Variants in SLC2A7 observed in about 807,000 individuals in gnomAD.
SLC2A7 encodes solute carrier family 2 member 7, also known as solute carrier family 2, facilitated glucose transporter member 7.
A neutral mutation model predicts 50.5 loss-of-function variants in SLC2A7; 50 were observed. That is an observed-to-expected ratio of 0.99 (90% CI 0.79 to 1.25). The LOEUF is 1.25. Ranked by LOEUF, SLC2A7 falls within the 50% of genes most tolerant of loss-of-function variation. SLC2A7 has a pLI of 0.00. For missense variants in SLC2A7, 683 were observed against 679.1 expected, an observed-to-expected ratio of 1.01 and a Z score of -0.06; for synonymous variants, 308 against 300.4, an observed-to-expected ratio of 1.03 and a Z score of -0.26.
chr1:9,002,959 G>C (rs1473411736), downstream of SLC2A7, among the ~76,000 whole-genome samples: 2 of 152,164 alleles, frequency 1.3e-5, no homozygotes, highest in African/African-American at 2.4e-5. Context: ...CGGCAGCTCG[G>C]GTATCCATAG....
rs1640692260 is a variant in SLC2A7 at position 9,008,504 on chromosome 1, G to C, written c.1117-1119C>G. 6.6e-6 allele frequency among the ~76,000 whole-genome samples: 1 copy of C among 152,190 alleles called. No homozygotes were observed. The highest frequency in any genetic ancestry group is 2.1e-4 in the South Asian group (1 of 4,836). ...CCACCGGGGATGCCCCTAGGTTTCAGAAGTGTCACTGGCGGTGGTCTCTGC... is the reference window on the plus strand; with the variant it reads ...CCACCGGGGATGCCCCTAGGTTTCACAAGTGTCACTGGCGGTGGTCTCTGC... On this transcript the variant is annotated intron_variant, in intron 9 of 11. Coordinates refer to ENST00000400906, the MANE Select transcript of SLC2A7 (RefSeq NM_207420.3). The surrounding 1 kb of genome is among the most constrained non-coding windows in gnomAD (Gnocchi z 5.9).
Position 9,013,616 on chromosome 1 carries a change from G to C in SLC2A7, c.923C>G (p.Thr308Ser), listed in dbSNP as rs182742981. 5.6e-6 allele frequency: 9 copies of C among 1,613,302 alleles called. No homozygotes were observed. Among genetic ancestry groups the C allele is most frequent in the Non-Finnish European group, 7.6e-6 (9 of 1,179,738 alleles). ...CTCCACGCCCGCAGATGTGTAGATG[G>C]TGTCCGCATAGTAGTTGATCTAAAC... Reference protein sequence around the residue: ...GINAINYYADTIYTSAGVEAA... With the variant: ...GINAINYYADSIYTSAGVEAA... The change falls in exon 8 of 12, where the codon ACC becomes AGC. Residue 308 changes from threonine to serine, a missense_variant. By Grantham distance (58) the Thr-to-Ser change is moderately conservative (BLOSUM62 1). Transcript: ENST00000400906.
At position 9,010,217 on chromosome 1, in the gene SLC2A7, G is replaced by A. The variant is rs370854911; in HGVS notation, c.1042C>T (p.Arg348Trp). 73 of 1,550,818 alleles carry A rather than the reference G, an allele frequency of 4.7e-5. No homozygotes were observed. The highest frequency in any genetic ancestry group is 5.8e-5 in the Non-Finnish European group (66 of 1,146,926). Residue 348 changes from arginine to tryptophan, a missense_variant, in exon 9 of 12, where the codon CGG (arginine) becomes TGG (tryptophan). By Grantham distance (101) the Arg-to-Trp change is moderately radical. Transcript: ENST00000400906. ...SAVLVERLGR[R>W]HLLLAGYGIC... is the part of the protein sequence containing the mutation. ...CCGTAGCCGGCCAGCAGGAGGTGCC[G>A]CCGTCCCAGCCGCTCCACAAGGACA... is the stretch of plus-strand genomic sequence containing the variant.
Position 9,004,748 on chromosome 1 carries a change from T to C in SLC2A7, c.1320+4A>G, listed in dbSNP as rs1640627645. On this transcript the variant is annotated splice_donor_region_variant and intron_variant, in intron 11 of 11. Coordinates refer to ENST00000400906, the MANE Select transcript of SLC2A7 (RefSeq NM_207420.3). ...AGCGGGTTGGGGAAGGGGCCCTCAC[T>C]CACCTGGATGGATGGGAACAGGAAG... 1 of 1,613,676 alleles carries C rather than the reference T, an allele frequency of 6.2e-7. No individual in the cohort carries two copies. The highest frequency in any genetic ancestry group is 8.5e-7 in the Non-Finnish European group (1 of 1,179,810).
chr1:8,993,149 G>A, the SLC2A7 span, among the ~76,000 whole-genome samples: 12 of 152,226 alleles, frequency 7.9e-5, no homozygotes, highest in East Asian at 1.9e-4. Flanking sequence ...CGTCTTACAC[G>A]GATGTCAGCA....
rs750014880 is a variant in SLC2A7, at chr1:9,004,809, G to A, written c.1263C>T (p.Asp421=). 2.5e-5 allele frequency: 41 copies of A among 1,613,992 alleles called. No homozygotes were observed. Among genetic ancestry groups the A allele is most frequent in the South Asian group, 4.4e-5 (4 of 91,076 alleles). Residue 421 remains aspartate, a synonymous_variant, in exon 11 of 12, where the codon GAC becomes GAT. Transcript: ENST00000400906. ...QSSRRAAFMV[D]GAVHWLTNFI... is the part of the protein sequence containing the mutation. The stretch of plus-strand genomic sequence containing the variant: ...AGTTGGTGAGCCAGTGCACTGCCCC[G>A]TCCACCATGAAAGCTGCCCGCCGGG...
intron 5 of SLC2A7, among the ~76,000 whole-genome samples, chr1:9,016,719 A>AAGAGAAAAAG (rs1057272112): frequency 2.6e-5 from 4 of 151,916 alleles, no homozygotes; most frequent in African/African-American, 7.2e-5. Context: ...AAAGAAGGGA[A>AAGAGAAAAAG]AGAGAAAAAG....
At chr1:9,015,281 C>G in intron 5 of SLC2A7, 39 bp from the exon 6 acceptor site, 1 of 1,533,694 alleles carries the variant, frequency 6.5e-7, no homozygotes, top group Non-Finnish European at 8.7e-7. Flanking sequence ...GGGGCCTGGG[C>G]ACCCCCTGGC....
Position 9,014,869 on chromosome 1 carries a change from C to G in SLC2A7, c.716-1G>C. 6.3e-7 allele frequency: 1 copy of G among 1,593,482 alleles called. No individual in the cohort carries two copies. The stretch of plus-strand genomic sequence containing the variant: ...GTGTGGCCTCTCAGCCTCCTCAGAG[C>G]TGCGGAAAGCAGAACCACCCGCTCA... On this transcript the variant is annotated splice_acceptor_variant, in intron 6 of 11. Coordinates refer to ENST00000400906, the MANE Select transcript of SLC2A7 (RefSeq NM_207420.3). LOFTEE classifies it high-confidence loss of function.
At chr1:9,007,468 C>T (rs1014636590) in intron 9 of SLC2A7, 83 bp from the exon 10 acceptor site, 7 of 1,310,112 alleles carry the variant, frequency 5.3e-6, no homozygotes, top group Middle Eastern at 2.3e-4. Flanking sequence ...CACCTTCCTG[C>T]CCCAGGGAGG....
the SLC2A7 span, among the ~76,000 whole-genome samples, chr1:8,993,349 T>G: frequency 5.4e-4 from 83 of 152,330 alleles, no homozygotes; most frequent in African/African-American, 1.9e-3. Context: ...CCTAAACATA[T>G]CAGGGGAGAA....
chr1:8,995,214 C>T, the SLC2A7 span, among the ~76,000 whole-genome samples: 225 of 151,452 alleles, frequency 1.5e-3, 2 homozygotes, highest in Middle Eastern at 0.01. Context: ...TTTGGGAGGC[C>T]GTCGCGGGTG....
At chr1:9,021,932 TGAGAA>T (rs1640918096) in intron 3 of SLC2A7, among the ~76,000 whole-genome samples, 1 of 151,936 alleles carries the variant, frequency 6.6e-6, no homozygotes, top group Non-Finnish European at 1.5e-5. Context: ...TTGGTCTGGC[TGAGAA>T]CATCACAGTC....
At chr1:9,020,760 G>A (rs1313172757) in intron 3 of SLC2A7, among the ~76,000 whole-genome samples, 3 of 150,114 alleles carry the variant, frequency 2.0e-5, no homozygotes, top group Non-Finnish European at 3.0e-5. Context: ...AAACCTCCGT[G>A]ATATGGTTTG....
rs576074097 is a variant in SLC2A7 at position 9,015,604 on chromosome 1, G to T, written c.590-362C>A. ...AGGGCAGGGCCTGGACCCTGCGCTG[G>T]GTCTGAGTGAGCTCCTTCTGGATGG... On this transcript the variant is annotated intron_variant, in intron 5 of 11. Coordinates refer to ENST00000400906, the MANE Select transcript of SLC2A7 (RefSeq NM_207420.3). 5.3e-5 allele frequency among the ~76,000 whole-genome samples: 8 copies of T among 152,274 alleles called. No individual in the cohort carries two copies. The East Asian group carries it at 7.7e-4, about 15-fold the overall frequency.
the SLC2A7 span, among the ~76,000 whole-genome samples, chr1:8,993,472 C>G: frequency 3.7e-4 from 56 of 152,300 alleles, no homozygotes; most frequent in Middle Eastern, 0.024. Context: ...AAACCCTAAA[C>G]TAAAACCTCA....
At chr1:9,003,941 T>C (rs1000027449) in intron 11 of SLC2A7, among the ~76,000 whole-genome samples, 1 of 149,876 alleles carries the variant, frequency 6.7e-6, no homozygotes, top group African/African-American at 2.5e-5. Context: ...CATAAAGGAG[T>C]TGCTTGGCAG....
At position 9,014,779 on chromosome 1, in the gene SLC2A7, G is replaced by T. The variant is rs752491553; in HGVS notation, c.805C>A (p.Leu269Met). Reference protein sequence around the residue: ...EARAERAEGHLSVLHLCALRS... With the variant: ...EARAERAEGHMSVLHLCALRS... The stretch of plus-strand genomic sequence containing the variant: ...AGGGCACAGAGGTGCAGCACAGACA[G>T]GTGGCCCTCGGCGCGCTCGGCCCGG... The change falls in exon 7 of 12, where the codon CTG becomes ATG. Residue 269 changes from leucine to methionine, a missense_variant. Coordinates refer to ENST00000400906, the MANE Select transcript of SLC2A7 (RefSeq NM_207420.3). 1.3e-6 allele frequency: 2 copies of T among 1,599,160 alleles called. No individual in the cohort carries two copies. The highest frequency in any genetic ancestry group is 4.5e-5 in the East Asian group (2 of 44,060).
the SLC2A7 span, among the ~76,000 whole-genome samples, chr1:8,997,320 A>G: frequency 6.6e-6 from 1 of 152,168 alleles, no homozygotes; most frequent in African/African-American, 2.4e-5. Context: ...AAAAACAAAC[A>G]AACAAATAAA....
Sources: allele counts gnomAD v4.1 joint callset (sites outside exome capture counted in the v4.1 genomes callset), GRCh38; gene constraint gnomAD v4.1.1; non-coding constraint Gnocchi (gnomAD v3.1); transcripts MANE v1.5; gene names NCBI Gene and HGNC (gene_info 2026-07-23, HGNC 2026-07-21).